Variants in FADS3 observed in about 807,000 individuals in gnomAD.
The protein encoded by FADS3 is fatty acid desaturase 3.
A neutral mutation model predicts 60.4 loss-of-function variants in FADS3; 30 were observed. That is an observed-to-expected ratio of 0.50 (90% CI 0.37 to 0.67). The LOEUF (loss-of-function observed/expected upper bound fraction) is 0.67, where lower values mean the gene tolerates loss of function less well. Ranked by LOEUF, FADS3 falls within the 30% of genes least tolerant of loss-of-function variation. The pLI, the probability that FADS3 is intolerant of heterozygous loss-of-function variation, is 0.00. For synonymous variants in FADS3, 234 were observed against 249.3 expected (o/e 0.94, Z 0.58); for missense variants, 432 against 598.3 (o/e 0.72, Z 2.90).
At chr11:61,878,414 A>C in intron 5 of FADS3, 98 bp downstream of exon 5, 1 of 1,529,022 alleles carries the variant, frequency 6.5e-7, no homozygotes, top group Non-Finnish European at 8.9e-7. Flanking sequence ...TGGAGGCCAG[A>C]TCAGGGGCTA....
intron 1 of FADS3, among the ~76,000 whole-genome samples, chr11:61,889,432 A>G (rs1373620963): frequency 6.7e-6 from 1 of 149,788 alleles, no homozygotes; most frequent in Non-Finnish European, 1.5e-5. Context: ...TGGGTGGATC[A>G]CGAGGTCAGG....
In FADS3 at chr11:61,875,935, G is replaced by A; in HGVS notation, c.1202C>T (p.Ala401Val). ...RMPRHNYSRVAPLVKSLCAKH... is the reference protein window; with the variant it reads ...RMPRHNYSRVVPLVKSLCAKH... ...GGCACACAGCGACTTGACCAGCGGG[G>A]CCACCCGGCTGTAGTTGTGTCTCGG... Residue 401 changes from alanine (A) to valine (V), a missense_variant, in exon 11 of 12, where the codon GCC becomes GTC. Ala to Val is a moderately conservative substitution (Grantham distance 64, BLOSUM62 0). Around this residue, in one of 5 missense-constraint regions of FADS3, gnomAD observed 63 missense variants for 64.5 expected, o/e 0.98. Coordinates refer to ENST00000278829, the MANE Select transcript of FADS3 (RefSeq NM_021727.5). The A allele has an allele frequency of 6.2e-7, 1 of 1,613,814 alleles. No individual in the cohort carries two copies. Among genetic ancestry groups the A allele is most frequent in the Non-Finnish European group, 8.5e-7 (1 of 1,180,034 alleles).
Position 61,876,691 on chromosome 11 carries a change from C to A in FADS3, c.983+175G>T, listed in dbSNP as rs1305202303. 4.3e-5 allele frequency: 30 copies of A among 704,866 alleles called. No individual in the cohort carries two copies. The highest frequency in any genetic ancestry group is 7.2e-5 in the Non-Finnish European group (29 of 402,824). The allele number at this position is 704,866 out of a possible 1,614,324, so 43.7% of individuals were successfully genotyped here. A position where few individuals can be genotyped will look rare whatever the true frequency, so the allele number is the denominator to read the frequency against. On this transcript the variant is annotated intron_variant, in intron 8 of 11. Coordinates refer to ENST00000278829, the MANE Select transcript of FADS3 (RefSeq NM_021727.5). The surrounding 1 kb of genome is among the most constrained non-coding windows in gnomAD (Gnocchi z 5.7). The stretch of plus-strand genomic sequence containing the variant: ...CCACTTACAAGCCAGGCCACGCTCC[C>A]TAAACCCACCGACCCTGGGCTCCTG...
intron 1 of FADS3, among the ~76,000 whole-genome samples, chr11:61,882,797 T>A (rs1173498712): frequency 1.3e-5 from 2 of 152,192 alleles, no homozygotes; most frequent in East Asian, 3.9e-4. Context: ...TGGCATGATC[T>A]CGGCTTACTG....
At chr11:61,887,129 G>A (rs985466071) in intron 1 of FADS3, among the ~76,000 whole-genome samples, 2 of 152,246 alleles carry the variant, frequency 1.3e-5, no homozygotes, top group African/African-American at 4.8e-5. Flanking sequence ...CAGGACAAAA[G>A]CATTCTCATC....
intron 1 of FADS3, among the ~76,000 whole-genome samples, chr11:61,884,788 C>T (rs563800154): frequency 3.9e-5 from 6 of 152,298 alleles, no homozygotes; most frequent in South Asian, 2.1e-4. Flanking sequence ...GAGTGGAAAG[C>T]GGCACTCGAC....
Position 61,877,091 on chromosome 11 carries a change from G to C in FADS3, c.886-128C>G. ...TGATTTGCCTCAGAGCCCAGGACAG[G>C]CCACCACCCTCTCTGGTTTTCTCAG... is the stretch of plus-strand genomic sequence containing the variant. On this transcript the variant is annotated intron_variant, in intron 7 of 11. Coordinates refer to ENST00000278829, the MANE Select transcript of FADS3 (RefSeq NM_021727.5). This position sits in a 1 kb window ranked among gnomAD's most constrained non-coding sequence, Gnocchi z 4.7. 1.6e-6 allele frequency: 1 copy of C among 626,328 alleles called. No homozygotes were observed. The highest frequency in any genetic ancestry group is 2.8e-6 in the Non-Finnish European group (1 of 362,546). 38.8% of individuals were successfully genotyped at this position (626,328 alleles called of 1,614,324 possible). A position where few individuals can be genotyped will look rare whatever the true frequency, so the allele number is the denominator to read the frequency against.
At chr11:61,874,947 G>A (rs902149285) in intron 11 of FADS3, among the ~76,000 whole-genome samples, 1 of 152,166 alleles carries the variant, frequency 6.6e-6, no homozygotes, top group Non-Finnish European at 1.5e-5. Flanking sequence ...GCTCCAAGAG[G>A]GCAGGAAGCT....
At chr11:61,874,207 C>T (rs1029916237) in intron 11 of FADS3, among the ~76,000 whole-genome samples, 2 of 152,228 alleles carry the variant, frequency 1.3e-5, no homozygotes, top group Admixed American at 6.5e-5. Context: ...ACAGAGAGGA[C>T]GTGGAACCTG....
At chr11:61,881,204 T>G (rs1374115352) in intron 1 of FADS3, 3 of 152,136 alleles carry the variant, frequency 2.0e-5, no homozygotes, top group Non-Finnish European at 2.9e-5. Context: ...TTCTCGCGAT[T>G]CTGTGTAATA....
chr11:61,888,812 C>T (rs1004033740), intron 1 of FADS3, among the ~76,000 whole-genome samples: 2 of 152,180 alleles, frequency 1.3e-5, no homozygotes, highest in South Asian at 2.1e-4. Context: ...AACTGGGGCA[C>T]AGAGGAGTGA....
chr11:61,878,480 G>C, intron 5 of FADS3, 32 bp downstream of exon 5: 1 of 1,607,544 alleles, frequency 6.2e-7, no homozygotes, highest in East Asian at 2.2e-5. Context: ...TGCAGGCCCA[G>C]CCAGAGGTTG....
At chr11:61,887,804 C>A (rs1291754751) in intron 1 of FADS3, among the ~76,000 whole-genome samples, 1 of 152,194 alleles carries the variant, frequency 6.6e-6, no homozygotes, top group African/African-American at 2.4e-5. Context: ...CGGAAATAAA[C>A]AGGATAGGTG....
rs376453427 is a variant in FADS3, at chr11:61,876,975, G to A, written c.886-12C>T. On this transcript the variant is annotated splice_polypyrimidine_tract_variant and intron_variant, in intron 7 of 11. Transcript: ENST00000278829. This position sits in a 1 kb window ranked among gnomAD's most constrained non-coding sequence, Gnocchi z 5.7. ...GCCCAGAGCAAATCCTGCAGAGGAG[G>A]GCAGAGGCGATACCGAGAGGTCTCC... 6 of 1,578,060 alleles carry A rather than the reference G, an allele frequency of 3.8e-6. No individual in the cohort carries two copies. The African/African-American group carries it at 4.0e-5, about 11-fold the overall frequency.
intron 1 of FADS3, among the ~76,000 whole-genome samples, chr11:61,886,758 C>T (rs1938334054): frequency 6.6e-6 from 1 of 152,178 alleles, no homozygotes; most frequent in Non-Finnish European, 1.5e-5. Context: ...AGTTGTTAGG[C>T]GAATTCAATC....
At position 61,873,735 on chromosome 11, in the gene FADS3, G is replaced by A; in HGVS notation, c.*79C>T. On this transcript the variant is annotated 3_prime_UTR_variant, in exon 12 of 12. Coordinates refer to ENST00000278829, the MANE Select transcript of FADS3 (RefSeq NM_021727.5). ...GCACCCCCAGGCTGGCCAGTGGAGG[G>A]GTGAGGGTATCGATCCCGCCGGGGG... 3 of 975,840 alleles carry A rather than the reference G, an allele frequency of 3.1e-6. No homozygotes were observed. The South Asian group carries it at 4.1e-5, about 13-fold the overall frequency. 60.4% of individuals were successfully genotyped at this position (975,840 alleles called of 1,614,324 possible).
At chr11:61,889,813 T>C (rs1938436596) in intron 1 of FADS3, among the ~76,000 whole-genome samples, 1 of 152,066 alleles carries the variant, frequency 6.6e-6, no homozygotes, top group Admixed American at 6.5e-5. Flanking sequence ...CCGAGCAACA[T>C]AGTGAGACCC....
chr11:61,886,635 G>A (rs1003430357), intron 1 of FADS3, among the ~76,000 whole-genome samples: 2 of 150,354 alleles, frequency 1.3e-5, no homozygotes, highest in African/African-American at 2.4e-5. Flanking sequence ...CTCGTGGCCC[G>A]AGTACAAAGG....
At position 61,873,873 on chromosome 11, in the gene FADS3, G is replaced by A; in HGVS notation, c.1287-8C>T. The A allele has an allele frequency of 2.5e-6, 4 of 1,602,486 alleles. No homozygotes were observed. The highest frequency in any genetic ancestry group is 3.4e-6 in the Non-Finnish European group (4 of 1,173,078). ...CCAGACTTCTTCAGGGACCTGGGAG[G>A]TGGGGGTGGCAGTGGGGGTGGGTGT... On this transcript the variant is annotated splice_polypyrimidine_tract_variant and splice_region_variant and intron_variant, in intron 11 of 11. Coordinates refer to ENST00000278829, the MANE Select transcript of FADS3 (RefSeq NM_021727.5).
Sources: gnomAD v4.1 joint callset for allele counts (sites outside exome capture counted in the v4.1 genomes callset) on GRCh38, gnomAD v4.1.1 for gene constraint, gnomAD v4.1.1 regional missense constraint, Gnocchi (gnomAD v3.1) non-coding constraint, MANE v1.5 for transcripts, NCBI Gene and HGNC (gene_info 2026-07-23, HGNC 2026-07-21) for gene names.